Variants in AGBL1 observed in about 807,000 individuals in gnomAD.
The protein encoded by AGBL1 is AGBL carboxypeptidase 1.
Under a neutral mutation model 118.9 loss-of-function variants are expected in AGBL1, and 130 were observed. That is an observed-to-expected ratio of 1.09 (90% confidence interval 0.95 to 1.26). AGBL1 has a LOEUF of 1.26. AGBL1 is among the 50% of genes most tolerant of loss of function. The pLI, the probability that AGBL1 is intolerant of heterozygous loss-of-function variation, is 0.00. For missense variants in AGBL1, 1,584 were observed against 1,298.1 expected (o/e 1.22, Z -3.38); for synonymous variants, 555 against 478.9 (o/e 1.16, Z -2.08).
chr15:86,573,614 C>T (rs1261762927), intron 21 of AGBL1, among the ~76,000 whole-genome samples: 2 of 152,200 alleles, frequency 1.3e-5, no homozygotes, highest in East Asian at 1.9e-4. Flanking sequence ...ATTCTAATCT[C>T]CCCATAGAAC....
At chr15:86,985,255 C>A (rs186683735) in intron 23 of AGBL1, among the ~76,000 whole-genome samples, 1 of 152,248 alleles carries the variant, frequency 6.6e-6, no homozygotes, top group East Asian at 1.9e-4. Context: ...GGGTAAGTAT[C>A]TGGTAATGAA....
At chr15:86,250,662 A>G (rs2078800810) in intron 7 of AGBL1, among the ~76,000 whole-genome samples, 1 of 150,006 alleles carries the variant, frequency 6.7e-6, no homozygotes, top group Non-Finnish European at 1.5e-5. Flanking sequence ...TGATCATTGC[A>G]GGTGAAAGAT....
chr15:86,813,387 A>C (rs2078818171), intron 22 of AGBL1, among the ~76,000 whole-genome samples: 1 of 152,138 alleles, frequency 6.6e-6, no homozygotes, highest in African/African-American at 2.4e-5. Flanking sequence ...TCTTAATAAC[A>C]TTTCTGAGCC....
In AGBL1 at chr15:86,929,229, G is replaced by A. The variant is rs556878569; in HGVS notation, c.3222-58758G>A. Among the ~76,000 whole-genome samples, 29 of 152,316 alleles carry A rather than the reference G, an allele frequency of 1.9e-4. No homozygotes were observed. In the Middle Eastern group the frequency reaches 0.014, roughly 71 times the overall value. On this transcript the variant is annotated intron_variant, in intron 23 of 24. Transcript: ENST00000441037. Reference sequence around the variant, plus strand: ...TTCTCTTAATAAGAAAGAATCTGATGTAAATAGCAATAGTAGTGACATCTG... The same window carrying A: ...TTCTCTTAATAAGAAAGAATCTGATATAAATAGCAATAGTAGTGACATCTG...
intron 17 of AGBL1, among the ~76,000 whole-genome samples, chr15:86,301,644 GTGTGTGTGTGT>G (rs1567187580): frequency 0.15 from 192 of 1,264 alleles, 2 homozygotes; most frequent in African/African-American, 0.31. Flanking sequence ...TCTACAGGGT[GTGTGTGTGTGT>G]GTGTGTGTGT....
intron 22 of AGBL1, among the ~76,000 whole-genome samples, chr15:86,742,086 G>A (rs2077688177): frequency 1.3e-5 from 2 of 151,958 alleles, no homozygotes; most frequent in African/African-American, 4.8e-5. Flanking sequence ...GAGGCCGGCA[G>A]TGACTCTGAA....
chr15:86,619,592 T>C (rs945993766), intron 21 of AGBL1, among the ~76,000 whole-genome samples: 2 of 152,110 alleles, frequency 1.3e-5, no homozygotes, highest in African/African-American at 4.8e-5. Context: ...GTCAGTGCAG[T>C]CCTATGAGAT....
At chr15:86,821,915 C>A (rs141449880) in intron 22 of AGBL1, among the ~76,000 whole-genome samples, 1 of 152,140 alleles carries the variant, frequency 6.6e-6, no homozygotes, top group Non-Finnish European at 1.5e-5. Context: ...TAACCAATAT[C>A]GCATGGGCAC....
intron 17 of AGBL1, among the ~76,000 whole-genome samples, chr15:86,393,291 G>A (rs1882177395): frequency 1.3e-5 from 2 of 152,128 alleles, no homozygotes; most frequent in African/African-American, 4.8e-5. Context: ...TTAATGTACT[G>A]CGTTGTACTA....
chr15:86,607,578 G>T (rs1291137859), intron 21 of AGBL1, among the ~76,000 whole-genome samples: 1 of 152,148 alleles, frequency 6.6e-6, no homozygotes, highest in African/African-American at 2.4e-5. Context: ...ATCCTTACCA[G>T]CATTTGGTGT....
In AGBL1 at chr15:86,910,109, A is replaced by T. The variant is rs2080330775; in HGVS notation, c.*2815A>T. 1 of 152,268 alleles carries T rather than the reference A, an allele frequency of 6.6e-6. No individual in the cohort carries two copies. Among genetic ancestry groups the T allele is most frequent in the Admixed American group, 6.5e-5 (1 of 15,292 alleles). 9.4% of individuals were successfully genotyped at this position (152,268 alleles called of 1,614,324 possible). The stretch of plus-strand genomic sequence containing the variant: ...CATGCCATTATGGAACTCTGCAAAG[A>T]ATATTACAAAAACGCCTAATCTAAT... On this transcript the variant is annotated 3_prime_UTR_variant, in exon 23 of 23. Coordinates refer to ENST00000614907, the MANE Select transcript of AGBL1 (RefSeq NM_001386094.1).
intron 23 of AGBL1, among the ~76,000 whole-genome samples, chr15:86,933,453 C>T (rs958888145): frequency 2.6e-5 from 4 of 152,110 alleles, no homozygotes; most frequent in Admixed American, 6.6e-5. Flanking sequence ...AGCCAGAGGT[C>T]GCAAGATTTG....
chr15:86,889,217 T>G (rs2080015455), intron 22 of AGBL1, among the ~76,000 whole-genome samples: 1 of 152,000 alleles, frequency 6.6e-6, no homozygotes, highest in African/African-American at 2.4e-5. Flanking sequence ...GCATATAAGA[T>G]AGAAAAGACC....
chr15:86,356,998 G>A (rs2080731967), intron 17 of AGBL1, among the ~76,000 whole-genome samples: 2 of 152,112 alleles, frequency 1.3e-5, no homozygotes, highest in Non-Finnish European at 2.9e-5. Flanking sequence ...CCTTGTTTCC[G>A]GTTTTGTTGT....
chr15:86,403,720 G>C (rs537899487), intron 18 of AGBL1, among the ~76,000 whole-genome samples: 1 of 152,164 alleles, frequency 6.6e-6, no homozygotes, highest in Non-Finnish European at 1.5e-5. Flanking sequence ...GCACACAGGC[G>C]TTCAGTTTTG....
chr15:86,765,440 A>G (rs1264143988), intron 22 of AGBL1, among the ~76,000 whole-genome samples: 2 of 151,984 alleles, frequency 1.3e-5, no homozygotes, highest in Non-Finnish European at 2.9e-5. Flanking sequence ...CATTTAGTGT[A>G]TTATAGCGAG....
At chr15:86,770,281 A>C (rs569978298) in intron 22 of AGBL1, among the ~76,000 whole-genome samples, 12 of 151,946 alleles carry the variant, frequency 7.9e-5, no homozygotes, top group Non-Finnish European at 1.8e-4. Flanking sequence ...ATAAATAACT[A>C]TCACAGTGCA....
At chr15:86,567,288 C>T (rs2142301782) in intron 21 of AGBL1, among the ~76,000 whole-genome samples, 1 of 152,190 alleles carries the variant, frequency 6.6e-6, no homozygotes, top group African/African-American at 2.4e-5. Context: ...ATCCATATAC[C>T]TGTATTTATA....
intron 17 of AGBL1, among the ~76,000 whole-genome samples, chr15:86,337,445 G>T (rs1173886041): frequency 1.3e-5 from 2 of 152,188 alleles, no homozygotes. Flanking sequence ...GCAAAGGCAT[G>T]GAATCAACTC....
Sources: gnomAD v4.1 joint callset for allele counts (sites outside exome capture counted in the v4.1 genomes callset) on GRCh38, gnomAD v4.1.1 for gene constraint, MANE v1.5 for transcripts, NCBI Gene and HGNC (gene_info 2026-07-23, HGNC 2026-07-21) for gene names.